The following RGR variants were observed in gnomAD, a reference collection of about 807,000 sequenced individuals.
RGR encodes the protein retinal G protein coupled receptor, also known as RPE-retinal G protein-coupled receptor.
In RGR, 30 loss-of-function variants were observed where a neutral mutation model predicts 28.6. That is an observed-to-expected ratio of 1.05 (90% CI 0.78 to 1.42). The LOEUF (loss-of-function observed/expected upper bound fraction) is 1.42. Among genes scored for constraint, RGR ranks in the 40% most tolerant of loss-of-function variants. The pLI, the probability that RGR is intolerant of heterozygous loss-of-function variation, is 0.00. For missense variants in RGR, 404 were observed against 375.6 expected (o/e 1.08, Z -0.62); for synonymous variants, 180 against 156.4 (o/e 1.15, Z -1.13).
chr10:84,258,375 C>A, intron 6 of RGR, 133 bp from the exon 7 acceptor site: 2 of 1,448,700 alleles, frequency 1.4e-6, no homozygotes, highest in Non-Finnish European at 1.9e-6. Flanking sequence ...ACCAACTAGT[C>A]AGGGAAGCCT....
rs1193172183 is a variant in RGR at position 84,252,942 on chromosome 10, G to A, written c.444G>A (p.Leu148=). Residue 148 remains leucine, a synonymous_variant, in exon 4 of 7, where the codon CTG becomes CTA. Transcript: ENST00000652092. ...CCTTCTGGGCAGCTCTGCCCCTTCT[G>A]GGTTGGGGTCACTACGACTATGAGC... The part of the protein sequence containing the change: ...SSAFWAALPL[L]GWGHYDYEPL... 1 of 1,614,120 alleles carries A rather than the reference G, an allele frequency of 6.2e-7. No individual in the cohort carries two copies. The highest frequency in any genetic ancestry group is 8.5e-7 in the Non-Finnish European group (1 of 1,180,038).
rs1319513258 is a variant in RGR at position 84,248,176 on chromosome 10, A to AAATG, written c.236+430_236+433dup. ...ACTCTACGTAAGTGTTTGTGAACAC[A>AAATG]AATGGGGGCGTTATCACCACTACTG... On this transcript the variant is annotated intron_variant, in intron 2 of 6. Coordinates refer to ENST00000652092, the MANE Select transcript of RGR (RefSeq NM_001012720.2). 32 of 1,221,796 alleles carry AAATG rather than the reference A, an allele frequency of 2.6e-5. No individual in the cohort carries two copies. The Middle Eastern group carries it at 1.5e-3, about 59-fold the overall frequency. The allele number at this position is 1,221,796 out of a possible 1,614,324, so 75.7% of individuals were successfully genotyped here.
chr10:84,257,991 C>A lies in RGR; in HGVS notation c.729C>A (p.Ser243=). 1 of 1,614,076 alleles carries A rather than the reference C, an allele frequency of 6.2e-7. No homozygotes were observed. Among genetic ancestry groups the A allele is most frequent in the Non-Finnish European group, 8.5e-7 (1 of 1,179,956 alleles). Reference sequence around the variant, plus strand: ...TCATCGCAGACGTGACTTCCATCTCCCCCAAACTGCAGATGGTACAGATAC... The same window carrying A: ...TCATCGCAGACGTGACTTCCATCTCACCCAAACTGCAGATGGTACAGATAC... ...YAVIADVTSI[S]PKLQMVPALI... Residue 243 remains serine (S), a synonymous_variant, in exon 6 of 7, where the codon TCC becomes TCA. Coordinates refer to ENST00000652092, the MANE Select transcript of RGR (RefSeq NM_001012720.2).
intron 5 of RGR, among the ~76,000 whole-genome samples, chr10:84,255,811 G>A (rs1447565455): frequency 2.2e-5 from 3 of 135,994 alleles, no homozygotes; most frequent in East Asian, 2.4e-4. Context: ...CGCAACCTCC[G>A]CCTCTGGGGT....
In RGR at chr10:84,258,703, CA is replaced by C. The variant is rs1842919876; in HGVS notation, c.*65del. ...TTCCAGGAGTCCTGCCCAGCAGCCTCAGTGGCCAAGCCCAGACACTCACCCA... is the reference window on the plus strand; with the variant it reads ...TTCCAGGAGTCCTGCCCAGCAGCCTCGTGGCCAAGCCCAGACACTCACCCA... On this transcript the variant is annotated 3_prime_UTR_variant, in exon 7 of 7. Coordinates refer to ENST00000652092, the MANE Select transcript of RGR (RefSeq NM_001012720.2). 1 of 1,609,686 alleles carries C rather than the reference CA, an allele frequency of 6.2e-7. No individual in the cohort carries two copies. The highest frequency in any genetic ancestry group is 1.8e-4 in the Middle Eastern group (1 of 5,678).
chr10:84,256,346 G>A (rs1052267009), intron 5 of RGR, among the ~76,000 whole-genome samples: 4 of 151,870 alleles, frequency 2.6e-5, no homozygotes, highest in Non-Finnish European at 5.9e-5. Context: ...GAGCTATCGT[G>A]CCGGCCAGAA....
At chr10:84,249,666 G>T (rs1300811169) in intron 3 of RGR, among the ~76,000 whole-genome samples, 1 of 152,196 alleles carries the variant, frequency 6.6e-6, no homozygotes, top group South Asian at 2.1e-4. Context: ...TGAGATCAGG[G>T]ATACAGAAAA....
At chr10:84,246,139 G>C (rs927392147) in intron 1 of RGR, among the ~76,000 whole-genome samples, 1 of 152,134 alleles carries the variant, frequency 6.6e-6, no homozygotes, top group Non-Finnish European at 1.5e-5. Flanking sequence ...TTATTTTTTG[G>C]AAGGGGTTTA....
intron 5 of RGR, among the ~76,000 whole-genome samples, chr10:84,257,609 C>A (rs745157): frequency 6.6e-6 from 1 of 152,092 alleles, no homozygotes; most frequent in African/African-American, 2.4e-5. Context: ...AGGAAGCGCT[C>A]ATTATCCACC....
chr10:84,248,323 G>T, intron 2 of RGR: 1 of 454,618 alleles, frequency 2.2e-6, no homozygotes, highest in African/African-American at 2.1e-5. Flanking sequence ...AAAAACCAGG[G>T]TCTTCCATCA....
Position 84,258,156 on chromosome 10 carries a change from G to T in RGR, c.744+150G>T. On this transcript the variant is annotated intron_variant, in intron 6 of 6. Coordinates refer to ENST00000652092, the MANE Select transcript of RGR (RefSeq NM_001012720.2). Reference sequence around the variant, plus strand: ...GATACTCACAAGGCATAGAGCATTAGTTTGCCCCCCTAATCCCCCACCTCG... The same window carrying T: ...GATACTCACAAGGCATAGAGCATTATTTTGCCCCCCTAATCCCCCACCTCG... 4 of 822,440 alleles carry T rather than the reference G, an allele frequency of 4.9e-6. No homozygotes were observed. In the Admixed American group the frequency reaches 8.2e-5, roughly 17 times the overall value. 50.9% of individuals were successfully genotyped at this position (822,440 alleles called of 1,614,324 possible).
chr10:84,248,689 T>TGG, intron 2 of RGR: 1 of 642,024 alleles, frequency 1.6e-6, no homozygotes, highest in Non-Finnish European at 2.7e-6. Flanking sequence ...AGAGAGCCTA[T>TGG]GGCCCAACCA....
At chr10:84,245,319 C>T (rs547221625) in intron 1 of RGR, 150 bp downstream of exon 1, 105 of 696,136 alleles carry the variant, frequency 1.5e-4, no homozygotes, top group Admixed American at 9.1e-4. Flanking sequence ...TGCCCGGACT[C>T]GGGGGGTGTT....
At chr10:84,254,204 C>G in intron 4 of RGR, 122 bp from the exon 5 acceptor site, 1 of 871,368 alleles carries the variant, frequency 1.1e-6, no homozygotes, top group Non-Finnish European at 2.0e-6. Flanking sequence ...AACCACACTG[C>G]GAGCTTGTCT....
chr10:84,258,839 C>CA lies in RGR; in HGVS notation c.*200_*201insA. 1 of 694,062 alleles carries CA rather than the reference C, an allele frequency of 1.4e-6. No homozygotes were observed. The allele number at this position is 694,062 out of a possible 1,614,324, so 43.0% of individuals were successfully genotyped here. A position where few individuals can be genotyped will look rare whatever the true frequency, so the allele number is the denominator to read the frequency against. On this transcript the variant is annotated 3_prime_UTR_variant, in exon 7 of 7. Coordinates refer to ENST00000652092, the MANE Select transcript of RGR (RefSeq NM_001012720.2). ...GGACCTGAGTGTCGGTCACAGCCCC[C>CA]TACACTCAAGGCTGAGAGGCCTCAG...
Position 84,245,915 on chromosome 10 carries a change from C to T in RGR, c.79+746C>T, listed in dbSNP as rs780866857. ...CAGCCCAAGCTAAATTGATGGAGAA[C>T]GCAGCTTTGGTTCAAAGCAGACCCA... On this transcript the variant is annotated intron_variant, in intron 1 of 6. Transcript: ENST00000652092. 6.3e-4 allele frequency among the ~76,000 whole-genome samples: 96 copies of T among 152,196 alleles called. 1 individual carries two copies. Among genetic ancestry groups the T allele is most frequent in the Middle Eastern group, 3.2e-3 (1 of 316 alleles).
intron 2 of RGR, chr10:84,248,347 T>A: frequency 2.9e-6 from 1 of 341,794 alleles, no homozygotes; most frequent in Non-Finnish European, 4.8e-6. Context: ...CTTCAGAAGG[T>A]GTTTATAAAA....
At chr10:84,252,087 G>A (rs961761697) in intron 3 of RGR, among the ~76,000 whole-genome samples, 1 of 152,226 alleles carries the variant, frequency 6.6e-6, no homozygotes, top group Admixed American at 6.5e-5. Flanking sequence ...AGGAACCACT[G>A]AATGGGAAGG....
chr10:84,253,772 G>T (rs1842848806), intron 4 of RGR, among the ~76,000 whole-genome samples: 1 of 152,180 alleles, frequency 6.6e-6, no homozygotes, highest in African/African-American at 2.4e-5. Flanking sequence ...CCAGGGTCCA[G>T]TCCTTCCAGC....
Sources: gnomAD v4.1 joint callset for allele counts (sites outside exome capture counted in the v4.1 genomes callset) on GRCh38, gnomAD v4.1.1 for gene constraint, MANE v1.5 for transcripts, NCBI Gene and HGNC (gene_info 2026-07-23, HGNC 2026-07-21) for gene names.